Variants in ZC3H3 observed in about 807,000 individuals in gnomAD.
ZC3H3 encodes zinc finger CCCH-type containing 3.
A neutral mutation model predicts 77.3 loss-of-function variants in ZC3H3; 36 were observed. The ratio of observed to expected loss-of-function variants is 0.47; its 90% CI spans 0.36 to 0.61. ZC3H3 has a LOEUF of 0.61. Among genes scored for constraint, ZC3H3 ranks in the 20% least tolerant of loss-of-function variants. ZC3H3 has a pLI of 0.00. For synonymous variants in ZC3H3, 626 were observed against 555.2 expected (o/e 1.13, Z -1.79); for missense variants, 1,331 against 1,312.2 (o/e 1.01, Z -0.22).
rs376547933 is a variant in ZC3H3 at position 143,521,093 on chromosome 8, GC to G, written c.1562-13195del. 3.9e-3 allele frequency among the ~76,000 whole-genome samples: 594 copies of G among 152,064 alleles called. 3 individuals carry two copies. The highest frequency in any genetic ancestry group is 0.013 in the African/African-American group (539 of 41,516). On this transcript the variant is annotated intron_variant, in intron 3 of 11. Coordinates refer to ENST00000262577, the MANE Select transcript of ZC3H3 (RefSeq NM_015117.3). ...ACAGACCCTGGGAGGGGCAGGCCCG[GC>G]CCCGCCACAGCCCCTGCCCAGCCCA... is the stretch of plus-strand genomic sequence containing the variant.
intron 9 of ZC3H3, among the ~76,000 whole-genome samples, chr8:143,443,795 G>A (rs532379481): frequency 1.4e-4 from 21 of 152,198 alleles, no homozygotes; most frequent in African/African-American, 2.9e-4. Flanking sequence ...GAAAGACACC[G>A]CACGCTGTGG....
chr8:143,498,243 T>C (rs1277623119), intron 4 of ZC3H3, among the ~76,000 whole-genome samples: 1 of 152,178 alleles, frequency 6.6e-6, no homozygotes, highest in Non-Finnish European at 1.5e-5. Flanking sequence ...TCAAGGCTCC[T>C]ACCCAGTTAA....
chr8:143,499,962 T>G (rs1401033996), intron 4 of ZC3H3, among the ~76,000 whole-genome samples: 1 of 152,146 alleles, frequency 6.6e-6, no homozygotes, highest in South Asian at 2.1e-4. Context: ...GGCCCTGCCC[T>G]GATAACCCCT....
Position 143,507,781 on chromosome 8 carries a change from CAG to C in ZC3H3, c.1678_1679del (p.Leu560AlafsTer65). 6.3e-7 allele frequency: 1 copy of C among 1,599,070 alleles called. No individual in the cohort carries two copies. The highest frequency in any genetic ancestry group is 8.5e-7 in the Non-Finnish European group (1 of 1,174,630). Reference protein sequence around the residue: ...PLSAPPFPLSLPSWRARRLSL... With the variant: ...PLSAPPFPLSXPSWRARRLSL... ...AGAGCCGCCGGGCCCGCCAGGAGGG[CAG>C]AGACAGGGGGAAGGGCGGGGCGCTG... On this transcript the variant is annotated frameshift_variant, in exon 4 of 12. Transcript: ENST00000262577. LOFTEE classifies it high-confidence loss of function.
rs2129977370 is a variant in ZC3H3 at position 143,494,275 on chromosome 8, T to C, written c.1715+13471A>G. Among the ~76,000 whole-genome samples, 2 of 152,334 alleles carry C rather than the reference T, an allele frequency of 1.3e-5. 1 individual carries two copies. Among genetic ancestry groups the C allele is most frequent in the Middle Eastern group, 6.8e-3 (2 of 294 alleles). ...CTCAGGCCGAACTTCCTGCTTTGAT[T>C]TCTTTACCAGTTTTCTCAAATGACA... is the stretch of plus-strand genomic sequence containing the variant. On this transcript the variant is annotated intron_variant, in intron 4 of 11. Coordinates refer to ENST00000262577, the MANE Select transcript of ZC3H3 (RefSeq NM_015117.3). The surrounding 1 kb of genome is among the most constrained non-coding windows in gnomAD (Gnocchi z 5.3).
chr8:143,459,225 G>C (rs946113233), intron 9 of ZC3H3, among the ~76,000 whole-genome samples: 14 of 152,168 alleles, frequency 9.2e-5, no homozygotes, highest in Non-Finnish European at 2.1e-4. Flanking sequence ...AAAATCCTCA[G>C]CATAACATTC....
At chr8:143,488,990 C>T (rs1332721198) in intron 4 of ZC3H3, among the ~76,000 whole-genome samples, 3 of 152,210 alleles carry the variant, frequency 2.0e-5, no homozygotes, top group African/African-American at 4.8e-5. Context: ...TGACGAGGCC[C>T]GGAAGGGCCA....
chr8:143,484,212 G>C (rs567522104), intron 4 of ZC3H3, among the ~76,000 whole-genome samples: 25 of 152,210 alleles, frequency 1.6e-4, no homozygotes, highest in Non-Finnish European at 3.4e-4. Flanking sequence ...TGTGACATCT[G>C]AGGACTTCCT....
At chr8:143,455,468 T>A (rs1039712903) in intron 9 of ZC3H3, among the ~76,000 whole-genome samples, 2 of 152,088 alleles carry the variant, frequency 1.3e-5, no homozygotes, top group Non-Finnish European at 2.9e-5. Flanking sequence ...TGCACTGCAC[T>A]CCAGCCTGGG....
At position 143,535,761 on chromosome 8, in the gene ZC3H3, TAG is replaced by T. The variant is rs60334113; in HGVS notation, c.1561+494_1561+495del. ...CTCTCCAGGCGTGACTGGGCACACT[TAG>T]AGTGGTACAGCAGGAGACCAGACCA... On this transcript the variant is annotated intron_variant, in intron 3 of 11. Coordinates refer to ENST00000262577, the MANE Select transcript of ZC3H3 (RefSeq NM_015117.3). Among the ~76,000 whole-genome samples the T allele has an allele frequency of 3.7e-3, 571 of 152,324 alleles. 5 individuals carry two copies. The highest frequency in any genetic ancestry group is 0.013 in the African/African-American group (529 of 41,576).
chr8:143,448,771 G>A (rs13252596), intron 9 of ZC3H3, among the ~76,000 whole-genome samples: 95,571 of 152,128 alleles, frequency 0.63, 30,245 homozygotes, highest in Middle Eastern at 0.66. Flanking sequence ...GAGACTCTGC[G>A]TGGGGGCTCC....
chr8:143,497,576 C>T (rs1441490944), intron 4 of ZC3H3, among the ~76,000 whole-genome samples: 1 of 152,240 alleles, frequency 6.6e-6, no homozygotes, highest in African/African-American at 2.4e-5. Flanking sequence ...TGACTGCACC[C>T]ACCGGTAGGC....
intron 3 of ZC3H3, among the ~76,000 whole-genome samples, chr8:143,519,143 G>A (rs763569279): frequency 3.3e-5 from 5 of 152,236 alleles, no homozygotes; most frequent in African/African-American, 1.2e-4. Context: ...GGGTAGCAGC[G>A]AGTGTGCTGA....
At chr8:143,517,055 C>T (rs560006013) in intron 3 of ZC3H3, among the ~76,000 whole-genome samples, 22 of 152,318 alleles carry the variant, frequency 1.4e-4, no homozygotes, top group African/African-American at 2.2e-4. Context: ...CCACCGAAGC[C>T]GCTGCCGCGG....
intron 3 of ZC3H3, among the ~76,000 whole-genome samples, chr8:143,522,313 G>T (rs574933582): frequency 6.6e-6 from 1 of 152,342 alleles, no homozygotes; most frequent in African/African-American, 2.4e-5. Context: ...CATTAAAAAT[G>T]TATTGGAAGC....
In ZC3H3 at chr8:143,438,039, G is replaced by A. The variant is rs766025299; in HGVS notation, c.*17C>T. ...GGATGAGGGTCTGAGGTAGGTGCAGGCCGGTCCCTGGGGTCCTCACAGACG... is the reference window on the plus strand; with the variant it reads ...GGATGAGGGTCTGAGGTAGGTGCAGACCGGTCCCTGGGGTCCTCACAGACG... On this transcript the variant is annotated 3_prime_UTR_variant, in exon 12 of 12. Transcript: ENST00000262577. The A allele has an allele frequency of 6.2e-7, 1 of 1,609,396 alleles. No individual in the cohort carries two copies. Among genetic ancestry groups the A allele is most frequent in the South Asian group, 1.1e-5 (1 of 89,864 alleles).
chr8:143,523,402 A>G, intron 3 of ZC3H3: 1 of 985,402 alleles, frequency 1.0e-6, no homozygotes, highest in Non-Finnish European at 1.2e-6. Context: ...CCTGCAGTTC[A>G]TGTTTTCCCG....
chr8:143,464,750 C>A (rs998494603), intron 9 of ZC3H3, among the ~76,000 whole-genome samples: 1 of 152,150 alleles, frequency 6.6e-6, no homozygotes, highest in Non-Finnish European at 1.5e-5. Flanking sequence ...GGCAGTGAGC[C>A]GTGCTGCAGG....
chr8:143,454,943 T>C (rs1039706228), intron 9 of ZC3H3, among the ~76,000 whole-genome samples: 4 of 152,094 alleles, frequency 2.6e-5, no homozygotes, highest in African/African-American at 4.8e-5. Context: ...AGTGCAACAG[T>C]AGTGATGCTA....
Sources: allele counts gnomAD v4.1 joint callset (sites outside exome capture counted in the v4.1 genomes callset), GRCh38; gene constraint gnomAD v4.1.1; non-coding constraint Gnocchi (gnomAD v3.1); transcripts MANE v1.5; gene names NCBI Gene and HGNC (gene_info 2026-07-23, HGNC 2026-07-21).